Variants in KIAA1210 observed in about 807,000 individuals in gnomAD.
The protein encoded by KIAA1210 is KIAA1210.
Under a neutral mutation model 78.9 loss-of-function variants are expected in KIAA1210, and 48 were observed. That is an observed-to-expected ratio of 0.61 (90% confidence interval 0.48 to 0.77). The LOEUF is 0.77. KIAA1210 is among the 30% of genes least tolerant of loss of function. The pLI is 0.00. For missense variants in KIAA1210, 1,108 were observed against 1,100.0 expected (o/e 1.01, Z -0.10); for synonymous variants, 406 against 404.5 (o/e 1.00, Z -0.04).
chrX:119,146,146 C>A (rs1031669382), intron 2 of KIAA1210, among the ~76,000 whole-genome samples: 6 of 111,887 alleles, frequency 5.4e-5, no homozygotes, highest in African/African-American at 1.9e-4. Flanking sequence ...AAAGTTGACA[C>A]AACTGAAAAT....
intron 9 of KIAA1210, among the ~76,000 whole-genome samples, chrX:119,086,149 G>T (rs995734631): frequency 3.6e-5 from 4 of 112,388 alleles, no homozygotes; most frequent in African/African-American, 1.3e-4. Flanking sequence ...TGAACATAGT[G>T]CTCTACGAAT....
At chrX:119,082,678 G>T (rs779557515) in intron 11 of KIAA1210, among the ~76,000 whole-genome samples, 1 of 111,839 alleles carries the variant, frequency 8.9e-6, no homozygotes, top group African/African-American at 3.3e-5. Flanking sequence ...AGAAAATACC[G>T]CTTTGCTATG....
intron 7 of KIAA1210, chrX:119,094,059 C>T (rs1927476549): frequency 8.3e-7 from 1 of 1,208,452 alleles, no homozygotes; most frequent in South Asian, 1.8e-5. Flanking sequence ...CTCTAAAATA[C>T]CCTGGAAATG....
Position 119,087,042 on chromosome X carries a change from C to T in KIAA1210, c.3660G>A (p.Trp1220Ter). The change falls in exon 9 of 12, where the codon TGG becomes TGA. Residue 1220 changes from tryptophan to a stop codon, truncating the protein, a stop_gained. Transcript: ENST00000691062. LOFTEE classifies it high-confidence loss of function. Reference protein sequence around the residue: ...RSVFESNSDNWFLGRDEAFAI... With the variant: ...RSVFESNSDN ...CAAAAGCTTCATCTCTTCCTAGGAA[C>T]CAATTGTCAGAATTGCTCTCAAAAA... 2 of 1,211,494 alleles carry T rather than the reference C, an allele frequency of 1.7e-6. No individual in the cohort carries two copies. The highest frequency in any genetic ancestry group is 1.1e-6 in the Non-Finnish European group (1 of 895,414).
chrX:119,128,653 ATTCTT>A (rs1002087656), upstream of KIAA1210, among the ~76,000 whole-genome samples: 116 of 111,000 alleles, frequency 1.0e-3, no homozygotes, highest in African/African-American at 3.6e-3. Context: ...CCATCCCATT[ATTCTT>A]TTTTTATTTA....
In KIAA1210 at chrX:119,124,371, T is replaced by A. The variant is rs374726932; in HGVS notation, c.-10-719A>T. Among the ~76,000 whole-genome samples the A allele has an allele frequency of 5.3e-5, 6 of 112,361 alleles. 1 individual carries two copies. In the East Asian group the frequency reaches 1.1e-3, roughly 21 times the overall value. ...AAATCTGTGACTGTATTTAAAACCA[T>A]TGAATTGTATACTTTAAATAGGTGA... On this transcript the variant is annotated intron_variant, in intron 1 of 11. Coordinates refer to ENST00000691062, the MANE Select transcript of KIAA1210 (RefSeq NM_001394962.1).
At chrX:119,121,000 C>T (rs550516241) in intron 2 of KIAA1210, among the ~76,000 whole-genome samples, 1 of 110,982 alleles carries the variant, frequency 9.0e-6, no homozygotes, top group Non-Finnish European at 1.9e-5. Context: ...ATTAGGAGAC[C>T]GCCCTATCCC....
At chrX:119,092,120 T>C (rs1434050573) in intron 8 of KIAA1210, among the ~76,000 whole-genome samples, 1 of 112,464 alleles carries the variant, frequency 8.9e-6, no homozygotes, top group African/African-American at 3.2e-5. Flanking sequence ...ACCGATCATA[T>C]GTAATACACA....
intron 11 of KIAA1210, among the ~76,000 whole-genome samples, chrX:119,082,248 A>G (rs1433280497): frequency 8.9e-6 from 1 of 112,488 alleles, no homozygotes; most frequent in Non-Finnish European, 1.9e-5. Context: ...TCTGATGCAC[A>G]GTGACAGTTG....
rs1260927128 is a variant in KIAA1210 at position 119,102,545 on chromosome X, T to TA, written c.648+2446dup. Reference sequence around the variant, plus strand: ...AGGCATATGCAGCAGAAGATTGCTTTAAAAAAAAAAAAGATGGCTCTGGGC... The same window carrying TA: ...AGGCATATGCAGCAGAAGATTGCTTTAAAAAAAAAAAAAGATGGCTCTGGGC... On this transcript the variant is annotated intron_variant, in intron 6 of 11. Transcript: ENST00000691062. Among the ~76,000 whole-genome samples the TA allele has an allele frequency of 3.6e-3, 363 of 102,158 alleles. 1 individual carries two copies. Among genetic ancestry groups the TA allele is most frequent in the African/African-American group, 9.9e-3 (279 of 28,169 alleles). The allele number at this position is 102,158 out of a possible 115,157, so 88.7% of individuals were successfully genotyped here. A position where few individuals can be genotyped will look rare whatever the true frequency, so the allele number is the denominator to read the frequency against.
intron 9 of KIAA1210, among the ~76,000 whole-genome samples, chrX:119,086,150 C>T (rs1027637735): frequency 3.6e-5 from 4 of 112,315 alleles, no homozygotes; most frequent in African/African-American, 1.3e-4. Flanking sequence ...GAACATAGTG[C>T]TCTACGAATG....
At chrX:119,095,013 G>T (rs1316229136) in intron 7 of KIAA1210, among the ~76,000 whole-genome samples, 2 of 111,895 alleles carry the variant, frequency 1.8e-5, no homozygotes, top group African/African-American at 6.5e-5. Flanking sequence ...AAGGCCACCA[G>T]AGGGCTTCCC....
chrX:119,096,460 A>G (rs1312858101), intron 7 of KIAA1210, 34 bp downstream of exon 7: 5 of 1,134,290 alleles, frequency 4.4e-6, no homozygotes, highest in South Asian at 2.0e-5. Flanking sequence ...TTTCTTATAC[A>G]GGAGTTTAGT....
At chrX:119,116,102 T>C (rs1603269310) in intron 3 of KIAA1210, among the ~76,000 whole-genome samples, 1 of 112,132 alleles carries the variant, frequency 8.9e-6, no homozygotes, top group Non-Finnish European at 1.9e-5. Context: ...AGACCAAGCC[T>C]CCTGAATGAC....
In KIAA1210 at chrX:119,088,987, A is replaced by G; in HGVS notation, c.1715T>C (p.Met572Thr). ...HQTFTASVLG[M>T]TSTTAKGDVY... ...ATCTCCTTTGGCTGTAGTACTTGTCATACCCAAAACACTTGCTGTAAAGGT... is the reference window on the plus strand; with the variant it reads ...ATCTCCTTTGGCTGTAGTACTTGTCGTACCCAAAACACTTGCTGTAAAGGT... The change falls in exon 9 of 12, where the codon ATG (methionine) becomes ACG (threonine). Residue 572 changes from methionine (M) to threonine (T), a missense_variant. Around this residue, in one of 5 missense-constraint regions of KIAA1210, gnomAD observed 672 missense variants for 607.1 expected, o/e 1.11. Transcript: ENST00000691062. The G allele has an allele frequency of 8.3e-7, 1 of 1,212,005 alleles. No individual in the cohort carries two copies. The highest frequency in any genetic ancestry group is 1.8e-5 in the South Asian group (1 of 56,990).
At chrX:119,120,956 A>G (rs1414963565) in intron 2 of KIAA1210, among the ~76,000 whole-genome samples, 1 of 111,219 alleles carries the variant, frequency 9.0e-6, no homozygotes, top group Non-Finnish European at 1.9e-5. Context: ...ATACAATGTC[A>G]GTAGCAAGGG....
chrX:119,116,789 T>G lies in KIAA1210; in HGVS notation c.62-125A>C, dbSNP rs1032256101. 33 of 538,939 alleles carry G rather than the reference T, an allele frequency of 6.1e-5. No homozygotes were observed. The African/African-American group carries it at 6.6e-4, about 11-fold the overall frequency. The allele number at this position is 538,939 out of a possible 1,213,427, so 44.4% of individuals were successfully genotyped here. On this transcript the variant is annotated intron_variant, in intron 2 of 11. Coordinates refer to ENST00000691062, the MANE Select transcript of KIAA1210 (RefSeq NM_001394962.1). ...CCCAGGTGTCCTGCAGAGCTTGGACTCAACCCCAATGCTGACAGCACCCTT... is the reference window on the plus strand; with the variant it reads ...CCCAGGTGTCCTGCAGAGCTTGGACGCAACCCCAATGCTGACAGCACCCTT...
At chrX:119,128,540 A>G (rs941243160), upstream of KIAA1210, among the ~76,000 whole-genome samples, 15 of 111,009 alleles carry the variant, frequency 1.4e-4, no homozygotes, top group African/African-American at 4.9e-4. Context: ...CTTTCCCCAC[A>G]TAGTTGCATG....
chrX:119,115,112 G>A (rs1310301527), intron 3 of KIAA1210, among the ~76,000 whole-genome samples: 1 of 111,280 alleles, frequency 9.0e-6, no homozygotes, highest in Non-Finnish European at 1.9e-5. Context: ...TCCCTTCTCC[G>A]GAGTGACATT....
Sources: gnomAD v4.1 joint callset for allele counts (sites outside exome capture counted in the v4.1 genomes callset) on GRCh38, gnomAD v4.1.1 for gene constraint, gnomAD v4.1.1 regional missense constraint, MANE v1.5 for transcripts, NCBI Gene and HGNC (gene_info 2026-07-23, HGNC 2026-07-21) for gene names.